Variants in SLAMF6 observed in about 807,000 individuals in gnomAD.
SLAMF6 encodes the protein NK-T-B-antigen.
Under a neutral mutation model 38.3 loss-of-function variants are expected in SLAMF6, and 21 were observed. The ratio of observed to expected loss-of-function variants is 0.55; its 90% CI spans 0.39 to 0.79. The LOEUF is 0.79. Ranked by LOEUF, SLAMF6 falls within the 30% of genes least tolerant of loss-of-function variation. SLAMF6 has a pLI of 0.00. For missense variants in SLAMF6, 341 were observed against 385.3 expected (o/e 0.89, Z 0.96); for synonymous variants, 152 against 146.3 (o/e 1.04, Z -0.28).
intron 2 of SLAMF6, among the ~76,000 whole-genome samples, chr1:160,493,625 A>G (rs900806541): frequency 3.3e-5 from 5 of 152,140 alleles, no homozygotes; most frequent in Admixed American, 6.6e-5. Context: ...AATATTGTTG[A>G]CTCAATTAAT....
chr1:160,503,909 C>G (rs1372286420), intron 1 of SLAMF6, among the ~76,000 whole-genome samples: 2 of 150,398 alleles, frequency 1.3e-5, no homozygotes, highest in African/African-American at 4.9e-5. Context: ...TGGAACATGC[C>G]TGTAGTCCCA....
chr1:160,511,855 G>C (rs191232700), intron 1 of SLAMF6, among the ~76,000 whole-genome samples: 72 of 152,240 alleles, frequency 4.7e-4, no homozygotes, highest in African/African-American at 1.7e-3. Context: ...ATGACCCACA[G>C]GGAGTGAGGA....
Position 160,489,085 on chromosome 1 carries a change from C to G in SLAMF6, c.879+3G>C. ...AATGGCATATAAAGCTGAAAAGACT[C>G]ACCCTGTTTGAATGAGTGACTGAAG... is the stretch of plus-strand genomic sequence containing the variant. On this transcript the variant is annotated splice_donor_region_variant and intron_variant, in intron 6 of 7. Coordinates refer to ENST00000368057, the MANE Select transcript of SLAMF6 (RefSeq NM_001184714.2). 6.2e-7 allele frequency: 1 copy of G among 1,611,916 alleles called. No homozygotes were observed. The highest frequency in any genetic ancestry group is 8.5e-7 in the Non-Finnish European group (1 of 1,178,090).
intron 1 of SLAMF6, among the ~76,000 whole-genome samples, chr1:160,497,129 AT>A (rs1234558882): frequency 6.6e-6 from 1 of 152,116 alleles, no homozygotes; most frequent in Non-Finnish European, 1.5e-5. Flanking sequence ...TCTCAGAAAG[AT>A]TATAGTTTAG....
intron 1 of SLAMF6, among the ~76,000 whole-genome samples, chr1:160,511,724 G>A (rs939525791): frequency 1.3e-5 from 2 of 152,180 alleles, no homozygotes; most frequent in Non-Finnish European, 2.9e-5. Flanking sequence ...GGGCCAAGAT[G>A]ACTAACTAGA....
At chr1:160,506,813 C>G (rs1345852917) in intron 1 of SLAMF6, among the ~76,000 whole-genome samples, 5 of 151,990 alleles carry the variant, frequency 3.3e-5, no homozygotes, top group Non-Finnish European at 5.9e-5. Context: ...ATTATTGAAG[C>G]TAAGGTAGTG....
At chr1:160,513,078 GTA>G (rs1434014105) in intron 1 of SLAMF6, among the ~76,000 whole-genome samples, 1 of 152,176 alleles carries the variant, frequency 6.6e-6, no homozygotes, top group African/African-American at 2.4e-5. Context: ...AGCTAAAGGA[GTA>G]TGTTCTAACT....
chr1:160,493,260 C>T (rs190039424), intron 2 of SLAMF6, among the ~76,000 whole-genome samples: 6 of 152,258 alleles, frequency 3.9e-5, no homozygotes, highest in East Asian at 1.9e-4. Context: ...GCTATCTATG[C>T]GGATGGCGTG....
At chr1:160,520,043 T>C (rs183366165) in intron 1 of SLAMF6, among the ~76,000 whole-genome samples, 4 of 152,214 alleles carry the variant, frequency 2.6e-5, no homozygotes, top group East Asian at 1.9e-4. Context: ...ACATTGGAGA[T>C]TGCAGATTCT....
intron 1 of SLAMF6, among the ~76,000 whole-genome samples, chr1:160,497,609 T>C (rs1653657794): frequency 6.6e-6 from 1 of 152,130 alleles, no homozygotes; most frequent in East Asian, 1.9e-4. Context: ...TAATAGGTAG[T>C]TATTCAACCC....
chr1:160,496,175 G>T lies in SLAMF6; in HGVS notation c.268C>A (p.Gln90Lys). 1 of 1,613,960 alleles carries T rather than the reference G, an allele frequency of 6.2e-7. No individual in the cohort carries two copies. ...TTGCTGAGTTGCAGGGAGTAGGACT[G>T]GGTGAAGTTCAGTCGCTTTCCCTGT... ...PKQGKRLNFT[Q>K]SYSLQLSNLK... Residue 90 changes from glutamine to lysine, a missense_variant, in exon 2 of 8, where the codon CAG becomes AAG. Physicochemically the swap from Gln to Lys is moderately conservative, Grantham distance 53. Transcript: ENST00000368057.
intron 1 of SLAMF6, among the ~76,000 whole-genome samples, chr1:160,510,867 A>G (rs1445386754): frequency 6.6e-6 from 1 of 152,218 alleles, no homozygotes; most frequent in Non-Finnish European, 1.5e-5. Context: ...GATCAGAGCT[A>G]ATAAATAAAT....
chr1:160,510,157 A>G (rs1654399632), intron 1 of SLAMF6, among the ~76,000 whole-genome samples: 1 of 152,142 alleles, frequency 6.6e-6, no homozygotes, highest in Non-Finnish European at 1.5e-5. Flanking sequence ...GGTAAATTCT[A>G]CTAATTATTC....
At chr1:160,514,213 C>T (rs1227483128) in intron 1 of SLAMF6, among the ~76,000 whole-genome samples, 1 of 152,030 alleles carries the variant, frequency 6.6e-6, no homozygotes, top group Non-Finnish European at 1.5e-5. Flanking sequence ...GCAGGGATTG[C>T]AATCCTAGTT....
chr1:160,506,987 GT>G (rs908160439), intron 1 of SLAMF6, among the ~76,000 whole-genome samples: 15 of 152,058 alleles, frequency 9.9e-5, no homozygotes, highest in Admixed American at 6.6e-5. Flanking sequence ...AGGGGAAAAG[GT>G]TTAAGACATA....
chr1:160,488,966 C>G, intron 6 of SLAMF6, 122 bp downstream of exon 6: 1 of 847,722 alleles, frequency 1.2e-6, no homozygotes, highest in Non-Finnish European at 2.0e-6. Context: ...CAGCCCCTGT[C>G]GCTGTGGCTG....
At chr1:160,490,758 G>A in intron 3 of SLAMF6, 73 bp from the exon 4 acceptor site, 1 of 1,563,696 alleles carries the variant, frequency 6.4e-7, no homozygotes, top group Non-Finnish European at 8.6e-7. Flanking sequence ...CCTCCGTGGA[G>A]CCTCTTCTAG....
chr1:160,508,382 A>T (rs1654300432), intron 1 of SLAMF6, among the ~76,000 whole-genome samples: 1 of 152,208 alleles, frequency 6.6e-6, no homozygotes, highest in South Asian at 2.1e-4. Context: ...GATCTTTGAC[A>T]AACCTGATAA....
chr1:160,504,214 T>C (rs916732484), intron 1 of SLAMF6, among the ~76,000 whole-genome samples: 1 of 152,066 alleles, frequency 6.6e-6, no homozygotes, highest in South Asian at 2.1e-4. Flanking sequence ...ATGAAGGCTA[T>C]ACTTATATTA....
Sources: allele counts gnomAD v4.1 joint callset (sites outside exome capture counted in the v4.1 genomes callset), GRCh38; gene constraint gnomAD v4.1.1; transcripts MANE v1.5; gene names NCBI Gene and HGNC (gene_info 2026-07-23, HGNC 2026-07-21).